ANKRD24: variants seen among roughly 807,000 people sequenced by gnomAD.
The protein encoded by ANKRD24 is ankyrin repeat domain-containing protein 24.
Under a neutral mutation model 127.8 loss-of-function variants are expected in ANKRD24, and 109 were observed. That is an observed-to-expected ratio of 0.85 (90% CI 0.73 to 1.00). ANKRD24 has a LOEUF of 1.00. Among genes scored for constraint, ANKRD24 ranks in the 50% least tolerant of loss-of-function variants. The pLI is 0.00. For synonymous variants in ANKRD24, 743 were observed against 671.1 expected (o/e 1.11, Z -1.66); for missense variants, 1,648 against 1,570.2 (o/e 1.05, Z -0.84).
intron 12 of ANKRD24, 35 bp downstream of exon 12, chr19:4,210,173 G>A (rs761184258): frequency 5.1e-6 from 8 of 1,580,706 alleles, no homozygotes; most frequent in Non-Finnish European, 1.7e-6. Context: ...GGAGGCATGG[G>A]GAGCCCCCAG....
intron 2 of ANKRD24, among the ~76,000 whole-genome samples, chr19:4,193,845 G>GAGGGAGGGAGGGA (rs573649233): frequency 0.038 from 1,548 of 40,600 alleles, 204 homozygotes; most frequent in Non-Finnish European, 0.052. Context: ...GGGAGGGAGG[G>GAGGGAGGGAGGGA]AGGAAGGAAG....
In ANKRD24 at chr19:4,217,475, A is replaced by AGGGCAGCGG. The variant is rs1201195645; in HGVS notation, c.2318_2326dup (p.Gly773_Gly775dup). The stretch of plus-strand genomic sequence containing the variant: ...CTGCGAGAGCGTGTCCGCGAGGCCG[A>AGGGCAGCGG]GGGCAGCGGGGCCAGCGGGGGCGGT... On this transcript the variant is annotated inframe_insertion, in exon 18 of 22. Transcript: ENST00000318934. 4.1e-6 allele frequency: 6 copies of AGGGCAGCGG among 1,451,924 alleles called. No homozygotes were observed. The South Asian group carries it at 7.4e-5, about 18-fold the overall frequency. 89.9% of individuals were successfully genotyped at this position (1,451,924 alleles called of 1,614,324 possible).
At chr19:4,203,934 A>G (rs1969239123) in intron 7 of ANKRD24, among the ~76,000 whole-genome samples, 2 of 138,546 alleles carry the variant, frequency 1.4e-5, no homozygotes, top group South Asian at 2.4e-4. Flanking sequence ...TACAGGCGTG[A>G]GCCACCGTGC....
chr19:4,216,637 C>T lies in ANKRD24; in HGVS notation c.1477C>T (p.Arg493Trp), dbSNP rs201829878. ...VIPLALYDSL[R>W]AEFDQLRRQH... ...CCCTCTTGCCCTCTATGACTCTCTC[C>T]GGGCCGAGTTTGACCAGCTACGCAG... Residue 493 changes from arginine to tryptophan, a missense_variant, in exon 18 of 22, where the codon CGG becomes TGG. Transcript: ENST00000318934. The T allele has an allele frequency of 2.1e-5, 34 of 1,608,056 alleles. No homozygotes were observed. The East Asian group carries it at 2.9e-4, about 14-fold the overall frequency.
Position 4,218,097 on chromosome 19 carries a change from CCAGCTGGAGGGG to C in ANKRD24, c.2948_2959del (p.Gly983_Glu986del), listed in dbSNP as rs749195147. 3.9e-6 allele frequency: 6 copies of C among 1,545,078 alleles called. No individual in the cohort carries two copies. The highest frequency in any genetic ancestry group is 1.8e-4 in the Middle Eastern group (1 of 5,470). ...TGGGCACCCTGCAGGCCAACGTGGCCCAGCTGGAGGGGCAGCTGGAGGAGCTGGGACGGCGGC... is the reference window on the plus strand; with the variant it reads ...TGGGCACCCTGCAGGCCAACGTGGCCCAGCTGGAGGAGCTGGGACGGCGGC... On this transcript the variant is annotated inframe_deletion, in exon 18 of 22. Transcript: ENST00000318934.
At chr19:4,189,030 G>C (rs989887494) in intron 2 of ANKRD24, among the ~76,000 whole-genome samples, 1 of 148,184 alleles carries the variant, frequency 6.7e-6, no homozygotes. Context: ...GGCTGGTCTC[G>C]AGCTTCCGAC....
intron 2 of ANKRD24, among the ~76,000 whole-genome samples, chr19:4,191,076 T>G (rs190517684): frequency 6.6e-6 from 1 of 151,736 alleles, no homozygotes; most frequent in Non-Finnish European, 1.5e-5. Flanking sequence ...CCTCTGAGAG[T>G]GTCTGGAGCT....
chr19:4,206,137 C>T (rs1268662644), intron 7 of ANKRD24, among the ~76,000 whole-genome samples: 3 of 148,286 alleles, frequency 2.0e-5, no homozygotes, highest in African/African-American at 5.0e-5. Context: ...AGCAAGACTC[C>T]GTCTCAAAAA....
intron 20 of ANKRD24, among the ~76,000 whole-genome samples, chr19:4,223,372 C>CATACATATATATAT (rs1490877860): frequency 6.9e-5 from 5 of 72,910 alleles, no homozygotes; most frequent in African/African-American, 3.5e-4. Flanking sequence ...CCTGGCCATA[C>CATACATATATATAT]ATATATATAT....
intron 2 of ANKRD24, among the ~76,000 whole-genome samples, chr19:4,196,082 T>A (rs8112991): frequency 3.9e-5 from 6 of 152,018 alleles, no homozygotes; most frequent in South Asian, 4.1e-4. Context: ...GGGATGCTGC[T>A]CGGCACCCTG....
chr19:4,224,076 C>A, intron 20 of ANKRD24, 51 bp from the exon 21 acceptor site: 1 of 1,522,538 alleles, frequency 6.6e-7, no homozygotes, highest in Admixed American at 1.8e-5. Flanking sequence ...GTGTTTTGCT[C>A]AGTGGGGAGG....
At chr19:4,224,400 G>C (rs1970628027) in intron 21 of ANKRD24, 28 bp from the exon 22 acceptor site, 1 of 1,608,982 alleles carries the variant, frequency 6.2e-7, no homozygotes. Flanking sequence ...GGTATACTCA[G>C]GGTCTTCCTC....
chr19:4,194,810 G>C (rs1236727127), intron 2 of ANKRD24, among the ~76,000 whole-genome samples: 1 of 152,184 alleles, frequency 6.6e-6, no homozygotes, highest in East Asian at 1.9e-4. Context: ...AGAAGGGGCA[G>C]AACAGGACAC....
intron 7 of ANKRD24, among the ~76,000 whole-genome samples, chr19:4,204,319 G>A (rs998293381): frequency 4.6e-5 from 7 of 152,002 alleles, no homozygotes; most frequent in Non-Finnish European, 8.8e-5. Flanking sequence ...CATAAATCCC[G>A]GTTACCCTTT....
chr19:4,222,672 C>A lies in ANKRD24; in HGVS notation c.3174C>A (p.Ile1058=). Residue 1058 remains isoleucine (I), a splice_region_variant and synonymous_variant, in exon 20 of 22, where the codon ATC becomes ATA. Transcript: ENST00000318934. ...GCTGACAGCACCTGCACCCTCAGAT[C>A]ACAGAACTCTCCAAAGAAGTCTTCA... is the stretch of plus-strand genomic sequence containing the variant. ...LDKAKEKDKK[I]TELSKEVFNL... 2 of 1,604,654 alleles carry A rather than the reference C, an allele frequency of 1.2e-6. No individual in the cohort carries two copies. Among genetic ancestry groups the A allele is most frequent in the South Asian group, 2.2e-5 (2 of 90,466 alleles).
Position 4,212,498 on chromosome 19 carries a change from C to T in ANKRD24, c.1083C>T (p.His361=), listed in dbSNP as rs765728266. Residue 361 remains histidine, a synonymous_variant, in exon 14 of 22, where the codon CAC becomes CAT. Transcript: ENST00000318934. ...AGTCCCCGGAGGCCAGCTCCCTGCA[C>T]ATCCTGGAGAGACAGGTAGGTGGGA... is the stretch of plus-strand genomic sequence containing the variant. The part of the protein sequence containing the change: ...QQESPEASSL[H]ILERQVQELQ... 1 of 1,568,972 alleles carries T rather than the reference C, an allele frequency of 6.4e-7. No individual in the cohort carries two copies. Among genetic ancestry groups the T allele is most frequent in the Admixed American group, 1.9e-5 (1 of 52,562 alleles).
intron 20 of ANKRD24, 140 bp downstream of exon 20, chr19:4,222,935 G>A (rs1169242723): frequency 9.9e-7 from 1 of 1,011,422 alleles, no homozygotes; most frequent in Non-Finnish European, 1.3e-6. Context: ...TGCACGGCAT[G>A]GCCAGGAAAT....
At chr19:4,203,902 C>T (rs548019997) in intron 7 of ANKRD24, among the ~76,000 whole-genome samples, 61 of 150,572 alleles carry the variant, frequency 4.1e-4, no homozygotes, top group African/African-American at 1.4e-3. Context: ...CTGCCCGCCT[C>T]GGCCTCCCAA....
At chr19:4,221,475 C>G (rs1432360467) in intron 19 of ANKRD24, among the ~76,000 whole-genome samples, 1 of 152,090 alleles carries the variant, frequency 6.6e-6, no homozygotes, top group Non-Finnish European at 1.5e-5. Flanking sequence ...AGCGATCTGT[C>G]TGCCTCAGCC....
Sources: gnomAD v4.1 joint callset for allele counts (sites outside exome capture counted in the v4.1 genomes callset) on GRCh38, gnomAD v4.1.1 for gene constraint, MANE v1.5 for transcripts, NCBI Gene and HGNC (gene_info 2026-07-23, HGNC 2026-07-21) for gene names.